The following AP4S1 variants were observed in gnomAD, a reference collection of about 807,000 sequenced individuals.
AP4S1 encodes the protein AP-4 complex subunit sigma-1.
A neutral mutation model predicts 19.8 loss-of-function variants in AP4S1; 23 were observed. That is an observed-to-expected ratio of 1.16 (90% CI 0.84 to 1.65). AP4S1 has a LOEUF of 1.65. Among genes scored for constraint, AP4S1 ranks in the 40% most tolerant of loss-of-function variants. AP4S1 has a pLI of 0.00. For missense variants in AP4S1, 166 were observed against 172.8 expected (o/e 0.96, Z 0.22); for synonymous variants, 46 against 54.1 (o/e 0.85, Z 0.66).
At chr14:31,032,161 C>A (rs1884435373) in intron 1 of AP4S1, among the ~76,000 whole-genome samples, 1 of 151,956 alleles carries the variant, frequency 6.6e-6, no homozygotes, top group African/African-American at 2.4e-5. Context: ...GCGGGCAGAT[C>A]ACCTGAGGTC....
chr14:31,040,678 A>G (rs1389976387), intron 1 of AP4S1, among the ~76,000 whole-genome samples: 1 of 152,104 alleles, frequency 6.6e-6, no homozygotes, highest in Non-Finnish European at 1.5e-5. Context: ...CGAGACTATC[A>G]TAAAACAATT....
At chr14:31,059,978 T>C (rs1180290779) in intron 1 of AP4S1, among the ~76,000 whole-genome samples, 7 of 72,138 alleles carry the variant, frequency 9.7e-5, no homozygotes, top group Admixed American at 4.6e-4. Context: ...TGTATTTATG[T>C]ATATATGTAT....
intron 1 of AP4S1, among the ~76,000 whole-genome samples, chr14:31,035,275 A>ACCTCCG (rs1264688780): frequency 3.0e-4 from 44 of 146,352 alleles, no homozygotes; most frequent in Non-Finnish European, 4.8e-4. Flanking sequence ...TCTCACCGCA[A>ACCTCCG]CCTCCGCCTC....
intron 1 of AP4S1, 93 bp downstream of exon 1, chr14:31,025,880 C>A: frequency 6.3e-7 from 1 of 1,590,692 alleles, no homozygotes; most frequent in Non-Finnish European, 8.5e-7. Context: ...CCGCAGCTCC[C>A]GCACACCGAC....
intron 1 of AP4S1, among the ~76,000 whole-genome samples, chr14:31,041,047 G>C (rs537797312): frequency 2.4e-4 from 35 of 146,406 alleles, no homozygotes; most frequent in Admixed American, 1.3e-3. Flanking sequence ...CTGAGCTCCA[G>C]CCTGGGTGAC....
intron 1 of AP4S1, among the ~76,000 whole-genome samples, chr14:31,038,803 C>T (rs1389348570): frequency 1.3e-5 from 2 of 152,110 alleles, no homozygotes; most frequent in Non-Finnish European, 2.9e-5. Context: ...ACCTAATGAG[C>T]ACTGTAAGCA....
intron 1 of AP4S1, chr14:31,026,194 G>C (rs1487633443): frequency 2.8e-6 from 4 of 1,425,122 alleles, no homozygotes; most frequent in Non-Finnish European, 9.1e-7. Context: ...ATTGTGTGTG[G>C]GGCCCCGGCC....
intron 2 of AP4S1, among the ~76,000 whole-genome samples, chr14:31,068,684 T>C (rs1886852199): frequency 6.6e-6 from 1 of 152,252 alleles, no homozygotes. Context: ...ATGAATATAC[T>C]GTTAGATACT....
At position 31,058,517 on chromosome 14, in the gene AP4S1, C is replaced by CTGTG. The variant is rs1241249693; in HGVS notation, c.-71-7603_-71-7600dup. 7.1e-3 allele frequency among the ~76,000 whole-genome samples: 986 copies of CTGTG among 139,422 alleles called. 15 individuals are homozygous for CTGTG. Among genetic ancestry groups the CTGTG allele is most frequent in the South Asian group, 0.016 (64 of 4,054 alleles). The allele number at this position is 139,422 out of a possible 152,430, so 91.5% of individuals were successfully genotyped here. A position where few individuals can be genotyped will look rare whatever the true frequency, so the allele number is the denominator to read the frequency against. On this transcript the variant is annotated intron_variant, in intron 1 of 5. Coordinates refer to ENST00000542754, the MANE Select transcript of AP4S1 (RefSeq NM_001128126.3). ...GGTCATCAAAACATCTTCCCCATCT[C>CTGTG]TGTGTGTGTATGTGTGTGTGTGTGT...
intron 1 of AP4S1, among the ~76,000 whole-genome samples, chr14:31,061,140 C>T (rs1353720228): frequency 1.3e-5 from 2 of 152,138 alleles, no homozygotes; most frequent in Non-Finnish European, 2.9e-5. Context: ...CTCAGCCTCC[C>T]AAAGTGCTGG....
intron 1 of AP4S1, among the ~76,000 whole-genome samples, chr14:31,047,040 A>G (rs916707623): frequency 6.6e-6 from 1 of 152,090 alleles, no homozygotes; most frequent in Admixed American, 6.6e-5. Flanking sequence ...ATAACCATTA[A>G]AGTAGGTGTG....
At position 31,056,601 on chromosome 14, in the gene AP4S1, C is replaced by T. The variant is rs149933726; in HGVS notation, c.-71-9525C>T. Among the ~76,000 whole-genome samples the T allele has an allele frequency of 5.8e-4, 88 of 151,962 alleles. 2 individuals carry two copies. The East Asian group carries it at 0.016, about 27-fold the overall frequency. On this transcript the variant is annotated intron_variant, in intron 1 of 5. Coordinates refer to ENST00000542754, the MANE Select transcript of AP4S1 (RefSeq NM_001128126.3). The stretch of plus-strand genomic sequence containing the variant: ...CTCGAACTCCTGACCTCAGGTTATC[C>T]GCCCGCCTTGGCCTTCCAAAGTGCT...
At chr14:31,078,563 A>G (rs946166007) in intron 4 of AP4S1, among the ~76,000 whole-genome samples, 1 of 152,198 alleles carries the variant, frequency 6.6e-6, no homozygotes, top group African/African-American at 2.4e-5. Flanking sequence ...CACCAAGAAG[A>G]ATATAATTTC....
At chr14:31,055,728 T>TTG (rs34788529) in intron 1 of AP4S1, among the ~76,000 whole-genome samples, 135,620 of 152,070 alleles carry the variant, frequency 0.89, 60,627 homozygotes, top group South Asian at 0.93. Context: ...ACCTTAGTGT[T>TTG]TGTGTGTGTA....
chr14:31,056,879 C>T (rs1886150376), intron 1 of AP4S1, among the ~76,000 whole-genome samples: 3 of 152,088 alleles, frequency 2.0e-5, no homozygotes, highest in African/African-American at 7.2e-5. Flanking sequence ...GAGTTCAAGA[C>T]TAGACTGGGC....
In AP4S1 at chr14:31,093,001, C is replaced by T; in HGVS notation, c.401C>T (p.Pro134Leu). The T allele has an allele frequency of 1.3e-6, 2 of 1,548,436 alleles. No homozygotes were observed. The highest frequency in any genetic ancestry group is 2.5e-5 in the East Asian group (1 of 40,806). The change falls in exon 6 of 6, where the codon CCT becomes CTT. Residue 134 changes from proline to leucine, a missense_variant. Coordinates refer to ENST00000542754, the MANE Select transcript of AP4S1 (RefSeq NM_001128126.3). ...ACTAACAGGGCAAGAATTCTTGCCC[C>T]TCTACTAATTCTTGATAAGATGTCA... The part of the protein sequence containing the change: ...VETNRARILA[P>L]LLILDKMSES
intron 1 of AP4S1, among the ~76,000 whole-genome samples, chr14:31,050,771 A>T (rs948024715): frequency 6.6e-6 from 1 of 152,086 alleles, no homozygotes; most frequent in African/African-American, 2.4e-5. Flanking sequence ...TTCACATTTC[A>T]CCAGTTTTTT....
rs1190023075 is a variant in AP4S1, at chr14:31,096,299, T to C, written c.*3264T>C. The C allele has an allele frequency of 6.6e-6, 1 of 152,124 alleles. No homozygotes were observed. Among genetic ancestry groups the C allele is most frequent in the Non-Finnish European group, 1.5e-5 (1 of 68,032 alleles). The allele number at this position is 152,124 out of a possible 1,614,324, so 9.4% of individuals were successfully genotyped here. ...TTGCTACCCCGTTAACAGAAGAATA[T>C]ACAGAACTGTCTTAGGCGAAAGTAT... On this transcript the variant is annotated 3_prime_UTR_variant, in exon 6 of 6. Coordinates refer to ENST00000542754, the MANE Select transcript of AP4S1 (RefSeq NM_001128126.3).
intron 1 of AP4S1, among the ~76,000 whole-genome samples, chr14:31,031,914 TG>T (rs75563026): frequency 0.35 from 53,662 of 151,834 alleles, 10,200 homozygotes; most frequent in South Asian, 0.56. Context: ...CTATGCAACA[TG>T]GGGAGACCCT....
Sources: allele counts gnomAD v4.1 joint callset (sites outside exome capture counted in the v4.1 genomes callset), GRCh38; gene constraint gnomAD v4.1.1; transcripts MANE v1.5; gene names NCBI Gene and HGNC (gene_info 2026-07-23, HGNC 2026-07-21).